Variants in GALNT13 observed in about 807,000 individuals in gnomAD.
GALNT13 encodes the protein UDP-GalNAc:polypeptide N-acetylgalactosaminyltransferase 13.
Under a neutral mutation model 64.2 loss-of-function variants are expected in GALNT13, and 28 were observed. The observed-to-expected ratio is 0.44, with a 90% CI of 0.32 to 0.60. The LOEUF (loss-of-function observed/expected upper bound fraction) is 0.60. GALNT13 is among the 20% of genes least tolerant of loss of function. The probability of loss-of-function intolerance (pLI) is 0.05; values close to 1 mark genes in which losing one functional copy is unlikely to be tolerated. For synonymous variants in GALNT13, 214 were observed against 224.6 expected (o/e 0.95, Z 0.42); for missense variants, 577 against 669.8 (o/e 0.86, Z 1.53).
chr2:153,886,219 TTTAAA>T (rs1687168243), intron 1 of GALNT13, among the ~76,000 whole-genome samples: 1 of 151,976 alleles, frequency 6.6e-6, no homozygotes, highest in African/African-American at 2.4e-5. Context: ...CTCTTTTTTT[TTTAAA>T]TTATACTTTT....
intron 10 of GALNT13, among the ~76,000 whole-genome samples, chr2:154,397,098 G>A (rs1043242815): frequency 1.3e-5 from 2 of 151,736 alleles, no homozygotes; most frequent in Admixed American, 1.3e-4. Flanking sequence ...CACTGAATAG[G>A]AATCAAAGCT....
At chr2:153,374,901 T>G in the GALNT13 span, among the ~76,000 whole-genome samples, 1 of 152,180 alleles carries the variant, frequency 6.6e-6, no homozygotes, top group Non-Finnish European at 1.5e-5. Flanking sequence ...CTATTACCAA[T>G]TCTCAGATAT....
At chr2:153,628,800 A>T in the GALNT13 span, among the ~76,000 whole-genome samples, 1 of 152,100 alleles carries the variant, frequency 6.6e-6, no homozygotes, top group Non-Finnish European at 1.5e-5. Context: ...TATTGGTCTA[A>T]AATTCTCTTT....
chr2:153,250,882 G>T, the GALNT13 span, among the ~76,000 whole-genome samples: 1 of 151,908 alleles, frequency 6.6e-6, no homozygotes, highest in East Asian at 1.9e-4. Flanking sequence ...GTCATGGGGT[G>T]GGGGGCAAAG....
At chr2:154,187,947 T>A (rs555519030) in intron 4 of GALNT13, among the ~76,000 whole-genome samples, 77 of 151,996 alleles carry the variant, frequency 5.1e-4, no homozygotes, top group African/African-American at 1.8e-3. Flanking sequence ...ATGAGAAGAA[T>A]TCCCTTGGTG....
the GALNT13 span, among the ~76,000 whole-genome samples, chr2:153,573,573 T>C: frequency 1.4e-5 from 2 of 141,992 alleles, no homozygotes; most frequent in Non-Finnish European, 3.1e-5. Context: ...ATGATTTAAT[T>C]TCTCACGTTT....
At chr2:153,886,705 T>A (rs763724307) in intron 1 of GALNT13, among the ~76,000 whole-genome samples, 38 of 152,024 alleles carry the variant, frequency 2.5e-4, no homozygotes, top group Non-Finnish European at 5.4e-4. Flanking sequence ...CTGGGTGATC[T>A]TGATTTGAGG....
the GALNT13 span, among the ~76,000 whole-genome samples, chr2:153,344,920 G>C: frequency 1.3e-5 from 2 of 152,136 alleles, no homozygotes; most frequent in African/African-American, 2.4e-5. Flanking sequence ...GAAGAAAAAT[G>C]ATACTTGTAT....
the GALNT13 span, among the ~76,000 whole-genome samples, chr2:153,427,189 C>T: frequency 1.4e-4 from 22 of 152,070 alleles, no homozygotes; most frequent in East Asian, 2.5e-3. Context: ...AAATGACTCT[C>T]GTGTTGCTAT....
chr2:153,627,640 A>G, the GALNT13 span, among the ~76,000 whole-genome samples: 13 of 152,144 alleles, frequency 8.5e-5, no homozygotes, highest in African/African-American at 3.1e-4. Flanking sequence ...GGCAAAACCC[A>G]CAATTACTTT....
At chr2:153,139,280 C>G in the GALNT13 span, among the ~76,000 whole-genome samples, 1 of 151,992 alleles carries the variant, frequency 6.6e-6, no homozygotes, top group East Asian at 1.9e-4. Context: ...CTAAGAATAT[C>G]TTCATGATTG....
the GALNT13 span, among the ~76,000 whole-genome samples, chr2:153,481,372 C>T: frequency 6.6e-6 from 1 of 152,070 alleles, no homozygotes; most frequent in African/African-American, 2.4e-5. Flanking sequence ...TTTCAGTGAA[C>T]AATTTCAGTT....
At chr2:153,389,937 A>G in the GALNT13 span, among the ~76,000 whole-genome samples, 1 of 152,026 alleles carries the variant, frequency 6.6e-6, no homozygotes, top group Non-Finnish European at 1.5e-5. Context: ...AATAGTGTTT[A>G]TGACCCAGCA....
rs114416643 is a variant in GALNT13, at chr2:154,338,996, C to T, written c.1156+37407C>T. Among the ~76,000 whole-genome samples the T allele has an allele frequency of 7.0e-3, 1,066 of 152,180 alleles. 12 individuals carry two copies. Among genetic ancestry groups the T allele is most frequent in the African/African-American group, 0.025 (1,018 of 41,540 alleles). Reference sequence around the variant, plus strand: ...TATTTCTAAATCCTGAGCAGAGGTGCATAATGCACTTTGGAGAAAAGAAAT... The same window carrying T: ...TATTTCTAAATCCTGAGCAGAGGTGTATAATGCACTTTGGAGAAAAGAAAT... On this transcript the variant is annotated intron_variant, in intron 9 of 12. Transcript: ENST00000392825.
At chr2:154,437,801 G>A (rs562015334) in intron 11 of GALNT13, 7 of 339,834 alleles carry the variant, frequency 2.1e-5, no homozygotes, top group East Asian at 9.8e-5. Flanking sequence ...GTTGCAGTAA[G>A]CCCAGATTAC....
intron 11 of GALNT13, among the ~76,000 whole-genome samples, chr2:154,431,060 A>G (rs1220279417): frequency 2.0e-5 from 3 of 152,172 alleles, no homozygotes; most frequent in African/African-American, 7.2e-5. Flanking sequence ...GTTTTATTAT[A>G]GTGATCTGAA....
intron 3 of GALNT13, among the ~76,000 whole-genome samples, chr2:154,133,994 A>G (rs1682800876): frequency 1.3e-5 from 2 of 152,068 alleles, no homozygotes; most frequent in African/African-American, 4.8e-5. Flanking sequence ...TTTTCCACAC[A>G]TGGCTTCCAA....
chr2:153,354,042 T>G, the GALNT13 span, among the ~76,000 whole-genome samples: 1 of 152,182 alleles, frequency 6.6e-6, no homozygotes, highest in Non-Finnish European at 1.5e-5. Flanking sequence ...CTTTCTGTTT[T>G]GGAAGGCTAT....
chr2:153,334,727 TAGTC>T, the GALNT13 span, among the ~76,000 whole-genome samples: 1 of 152,226 alleles, frequency 6.6e-6, no homozygotes, highest in Non-Finnish European at 1.5e-5. Flanking sequence ...AAAAATGTGA[TAGTC>T]TGTCTGAAAT....
Sources: gnomAD v4.1 joint callset for allele counts (sites outside exome capture counted in the v4.1 genomes callset) on GRCh38, gnomAD v4.1.1 for gene constraint, MANE v1.5 for transcripts, NCBI Gene and HGNC (gene_info 2026-07-23, HGNC 2026-07-21) for gene names.